The following ERC2 variants were observed in gnomAD, a reference collection of about 807,000 sequenced individuals.
The protein encoded by ERC2 is ELKS/RAB6-interacting/CAST family member 2.
ERC2 carries 42 observed loss-of-function variants against 114.8 expected under a neutral mutation model. The observed-to-expected ratio is 0.37, with a 90% confidence interval of 0.29 to 0.47. The LOEUF (loss-of-function observed/expected upper bound fraction) is 0.47. Among genes scored for constraint, ERC2 ranks in the 20% least tolerant of loss-of-function variants. The pLI is 0.99. For synonymous variants in ERC2, 454 were observed against 425.5 expected (o/e 1.07, Z -0.82); for missense variants, 939 against 1,150.7 (o/e 0.82, Z 2.66).
rs559962473 is a variant in ERC2 at position 56,445,931 on chromosome 3, A to T, written c.-140-10784T>A. On this transcript the variant is annotated intron_variant, in intron 1 of 17. Coordinates refer to ENST00000288221, the MANE Select transcript of ERC2 (RefSeq NM_015576.3). ...TTTTTTTTTTCATGATGTGAAAGAC[A>T]TGCTATCTTTTTTCTTTTTATAAGA... Among the ~76,000 whole-genome samples, 18 of 152,026 alleles carry T rather than the reference A, an allele frequency of 1.2e-4. No individual in the cohort carries two copies. The South Asian group carries it at 3.5e-3, about 30-fold the overall frequency.
chr3:55,649,050 GCTCCCCGAGTGTCCTGAGGA>G (rs1439978318), intron 17 of ERC2, among the ~76,000 whole-genome samples: 18 of 152,060 alleles, frequency 1.2e-4, no homozygotes, highest in African/African-American at 4.1e-4. Context: ...CCACAGACCA[GCTCCCCGAGTGTCCTGAGGA>G]ACAAAAGTTC....
intron 14 of ERC2, among the ~76,000 whole-genome samples, chr3:55,822,568 C>CTTTTTTTT (rs202173599): frequency 7.3e-6 from 1 of 137,078 alleles, no homozygotes. Context: ...TCTTTTTTTT[C>CTTTTTTTT]TTTTTTTTTT....
At chr3:55,709,515 G>A (rs1343527230) in intron 15 of ERC2, among the ~76,000 whole-genome samples, 1 of 152,178 alleles carries the variant, frequency 6.6e-6, no homozygotes, top group African/African-American at 2.4e-5. Context: ...AACGGACTGG[G>A]CAAGCAGAGG....
At chr3:56,121,917 A>C (rs2079602280) in intron 6 of ERC2, among the ~76,000 whole-genome samples, 2 of 152,188 alleles carry the variant, frequency 1.3e-5, no homozygotes, top group African/African-American at 4.8e-5. Context: ...GCTTGACTTC[A>C]ATCCACACCA....
At chr3:55,865,436 T>C (rs1003869969) in intron 14 of ERC2, among the ~76,000 whole-genome samples, 1 of 152,310 alleles carries the variant, frequency 6.6e-6, no homozygotes. Flanking sequence ...CGGAGCACTC[T>C]GCAGAGACCC....
At chr3:55,855,687 A>G (rs189529421) in intron 14 of ERC2, among the ~76,000 whole-genome samples, 25 of 152,370 alleles carry the variant, frequency 1.6e-4, no homozygotes, top group Admixed American at 3.3e-4. Flanking sequence ...TGTAGAACCC[A>G]TTAAAACATT....
rs76835906 is a variant in ERC2 at position 56,405,664 on chromosome 3, T to C, written c.657+28687A>G. On this transcript the variant is annotated intron_variant, in intron 2 of 17. Transcript: ENST00000288221. Reference sequence around the variant, plus strand: ...ATAGACAGATAGATAGATAGACAGATAGATAGATAGATGAAGAAATAGATT... The same window carrying C: ...ATAGACAGATAGATAGATAGACAGACAGATAGATAGATGAAGAAATAGATT... 9.1e-3 allele frequency among the ~76,000 whole-genome samples: 1,110 copies of C among 121,980 alleles called. 22 individuals carry two copies. Among genetic ancestry groups the C allele is most frequent in the African/African-American group, 0.034 (1,050 of 30,860 alleles). 80.0% of individuals were successfully genotyped at this position (121,980 alleles called of 152,430 possible).
chr3:55,736,337 G>A lies in ERC2; in HGVS notation c.2565-1419C>T, dbSNP rs17713747. Among the ~76,000 whole-genome samples, 1,302 of 152,160 alleles carry A rather than the reference G, an allele frequency of 8.6e-3. 7 individuals carry two copies. Among genetic ancestry groups the A allele is most frequent in the Non-Finnish European group, 0.015 (1,037 of 67,970 alleles). ...TAGGCTCCAGCACATTTCGTTCCAG[G>A]TCTCTGCTAGTCCTCAAAAATGTTA... On this transcript the variant is annotated intron_variant, in intron 14 of 17. Transcript: ENST00000288221.
chr3:56,140,382 T>C (rs1036448417), intron 5 of ERC2, among the ~76,000 whole-genome samples: 1 of 152,372 alleles, frequency 6.6e-6, no homozygotes, highest in East Asian at 1.9e-4. Flanking sequence ...TCCATAAATA[T>C]ACACTATTTG....
intron 2 of ERC2, among the ~76,000 whole-genome samples, chr3:56,380,701 T>C (rs1171109345): frequency 6.6e-6 from 1 of 152,200 alleles, no homozygotes; most frequent in Admixed American, 6.5e-5. Flanking sequence ...AATTAAGCTA[T>C]CACCATATCA....
At chr3:55,534,359 A>G (rs749243620) in intron 17 of ERC2, among the ~76,000 whole-genome samples, 2 of 147,332 alleles carry the variant, frequency 1.4e-5, no homozygotes, top group African/African-American at 5.0e-5. Context: ...AATCATACCA[A>G]CGTACTCCAA....
intron 2 of ERC2, among the ~76,000 whole-genome samples, chr3:56,321,223 A>C (rs2057113985): frequency 6.6e-6 from 1 of 152,206 alleles, no homozygotes; most frequent in African/African-American, 2.4e-5. Flanking sequence ...GAAGACAAAT[A>C]GGGTAACTTT....
intron 7 of ERC2, among the ~76,000 whole-genome samples, chr3:56,037,869 C>T (rs1328595232): frequency 6.6e-6 from 1 of 152,112 alleles, no homozygotes; most frequent in African/African-American, 2.4e-5. Flanking sequence ...GGAAACTTTA[C>T]AAGCCAGAAG....
chr3:56,433,847 T>C (rs908849836), intron 2 of ERC2: 4 of 160,778 alleles, frequency 2.5e-5, no homozygotes, highest in Admixed American at 1.2e-4. Flanking sequence ...TCCAATTCCA[T>C]TTCATATTGT....
At chr3:56,019,748 G>A (rs984074848) in intron 7 of ERC2, among the ~76,000 whole-genome samples, 1 of 152,192 alleles carries the variant, frequency 6.6e-6, no homozygotes, top group African/African-American at 2.4e-5. Flanking sequence ...CTGTCCAGGA[G>A]CAGCAGCAAG....
chr3:55,801,775 G>A (rs940986237), intron 14 of ERC2, among the ~76,000 whole-genome samples: 8 of 152,318 alleles, frequency 5.3e-5, no homozygotes, highest in African/African-American at 1.7e-4. Flanking sequence ...ATTCCAAGAC[G>A]GTGATAGCAG....
At chr3:56,259,279 CTA>C (rs2052747921) in intron 3 of ERC2, among the ~76,000 whole-genome samples, 1 of 152,130 alleles carries the variant, frequency 6.6e-6, no homozygotes. Flanking sequence ...GCCCAAAAAA[CTA>C]TGTTTTTCTT....
intron 7 of ERC2, among the ~76,000 whole-genome samples, chr3:56,065,571 A>G (rs1348125963): frequency 6.6e-6 from 1 of 151,950 alleles, no homozygotes; most frequent in Non-Finnish European, 1.5e-5. Flanking sequence ...ACATGTGCAG[A>G]ACGTGCAGGT....
intron 14 of ERC2, among the ~76,000 whole-genome samples, chr3:55,854,792 G>A (rs771507899): frequency 2.6e-5 from 4 of 152,134 alleles, no homozygotes; most frequent in Admixed American, 2.6e-4. Context: ...ATTCACAATG[G>A]GCTCTGGAGT....
Sources: gnomAD v4.1 joint callset for allele counts (sites outside exome capture counted in the v4.1 genomes callset) on GRCh38, gnomAD v4.1.1 for gene constraint, MANE v1.5 for transcripts, NCBI Gene and HGNC (gene_info 2026-07-23, HGNC 2026-07-21) for gene names.